Variants in ICMT observed in about 807,000 individuals in gnomAD.
ICMT encodes isoprenylcysteine carboxyl methyltransferase.
ICMT carries 10 observed loss-of-function variants against 32.2 expected under a neutral mutation model. The ratio of observed to expected loss-of-function variants is 0.31; its 90% CI spans 0.19 to 0.53. ICMT has a LOEUF of 0.53. Ranked by LOEUF, ICMT falls within the 20% of genes least tolerant of loss-of-function variation. The pLI is 0.96. For synonymous variants in ICMT, 183 were observed against 158.2 expected, an observed-to-expected ratio of 1.16 and a Z score of -1.18; for missense variants, 265 against 356.9, an observed-to-expected ratio of 0.74 and a Z score of 2.07.
intron 2 of ICMT, among the ~76,000 whole-genome samples, chr1:6,233,924 C>A (rs1557603569): frequency 6.6e-6 from 1 of 152,208 alleles, no homozygotes; most frequent in Non-Finnish European, 1.5e-5. Context: ...TCTCAGCTCA[C>A]TGCAACCTCC....
chr1:6,234,301 G>A, intron 2 of ICMT: 1 of 367,382 alleles, frequency 2.7e-6, no homozygotes, highest in South Asian at 2.1e-5. Flanking sequence ...ACAACATAAA[G>A]GAGTGATGTA....
chr1:6,235,516 G>A (rs1668808920), intron 1 of ICMT, among the ~76,000 whole-genome samples: 1 of 152,148 alleles, frequency 6.6e-6, no homozygotes, highest in Admixed American at 6.5e-5. Context: ...AGCTGCACAA[G>A]CTGCAATTTA....
chr1:6,221,988 C>T lies in ICMT; in HGVS notation c.*3092G>A, dbSNP rs1028719825. 6.6e-6 allele frequency: 1 copy of T among 152,248 alleles called. No individual in the cohort carries two copies. The highest frequency in any genetic ancestry group is 1.5e-5 in the Non-Finnish European group (1 of 68,038). 9.4% of individuals were successfully genotyped at this position (152,248 alleles called of 1,614,324 possible). ...GAGAAAATTGGTGATGTGGCCTTGG[C>T]AGCAAATACCCAGAAAGCCTTTACC... On this transcript the variant is annotated 3_prime_UTR_variant, in exon 5 of 5. Transcript: ENST00000343813.
rs1484041138 is a variant in ICMT at position 6,223,822 on chromosome 1, C to T, written c.*1258G>A. 1 of 152,220 alleles carries T rather than the reference C, an allele frequency of 6.6e-6. No homozygotes were observed. The highest frequency in any genetic ancestry group is 2.4e-5 in the African/African-American group (1 of 41,444). 9.4% of individuals were successfully genotyped at this position (152,220 alleles called of 1,614,324 possible). ...CGCCGACGCCGCCTTCACATTCACA[C>T]TTCTTCAGTGCCACCGCAACACTGC... On this transcript the variant is annotated 3_prime_UTR_variant, in exon 5 of 5. Coordinates refer to ENST00000343813, the MANE Select transcript of ICMT (RefSeq NM_012405.4).
intron 2 of ICMT, 75 bp downstream of exon 2, chr1:6,234,811 T>G: frequency 9.1e-7 from 1 of 1,094,550 alleles, no homozygotes; most frequent in Non-Finnish European, 1.4e-6. Context: ...GAGACAGGGA[T>G]GAGGAAATGC....
chr1:6,234,866 A>G lies in ICMT; in HGVS notation c.284+20T>C. 6.3e-7 allele frequency: 1 copy of G among 1,578,122 alleles called. No individual in the cohort carries two copies. Among genetic ancestry groups the G allele is most frequent in the South Asian group, 1.1e-5 (1 of 90,338 alleles). ...TGTCCACCCTCGCCTGAAAACCAGT[A>G]TTTCCGAAGGAATTCTTACCAGCCA... On this transcript the variant is annotated intron_variant, in intron 2 of 4. Coordinates refer to ENST00000343813, the MANE Select transcript of ICMT (RefSeq NM_012405.4).
In ICMT at chr1:6,225,211, G is replaced by A. The variant is rs1426915192; in HGVS notation, c.724C>T (p.Arg242Ter). 1.2e-6 allele frequency: 2 copies of A among 1,613,996 alleles called. No homozygotes were observed. Among genetic ancestry groups the A allele is most frequent in the East Asian group, 2.2e-5 (1 of 44,870 alleles). ...CGVSYALTVW[R>*]FFRDRTEEEE... ...TCTTCTGTTCGATCGCGGAAGAATC[G>A]CCACACTGTCAGGGCATAGCTGACG... The change falls in exon 5 of 5, where the codon CGA (arginine) becomes TGA (stop). Residue 242 changes from arginine (R) to a stop codon, truncating the protein, a stop_gained. Transcript: ENST00000343813. LOFTEE classifies it high-confidence loss of function.
chr1:6,235,887 G>C lies in ICMT; in HGVS notation c.25C>G (p.Pro9Ala). The change falls in exon 1 of 5, where the codon CCG becomes GCG. Residue 9 changes from proline to alanine, a missense_variant. By Grantham distance (27) the Pro-to-Ala change is conservative. Coordinates refer to ENST00000343813, the MANE Select transcript of ICMT (RefSeq NM_012405.4). Reference sequence around the variant, plus strand: ...CTGAGACGCGCCTCAGAGCCCGGCGGAGCCCGCGCCGCGCAGCCCGCCATG... The same window carrying C: ...CTGAGACGCGCCTCAGAGCCCGGCGCAGCCCGCGCCGCGCAGCCCGCCATG... MAGCAARA[P>A]PGSEARLSLA... The C allele has an allele frequency of 2.6e-6, 3 of 1,137,346 alleles. No individual in the cohort carries two copies. Among genetic ancestry groups the C allele is most frequent in the Non-Finnish European group, 3.2e-6 (3 of 929,204 alleles). The allele number at this position is 1,137,346 out of a possible 1,614,324, so 70.5% of individuals were successfully genotyped here.
In ICMT at chr1:6,222,814, G is replaced by A. The variant is rs1248632160; in HGVS notation, c.*2266C>T. 1 of 152,284 alleles carries A rather than the reference G, an allele frequency of 6.6e-6. No individual in the cohort carries two copies. Among genetic ancestry groups the A allele is most frequent in the Non-Finnish European group, 1.5e-5 (1 of 68,070 alleles). The allele number at this position is 152,284 out of a possible 1,614,324, so 9.4% of individuals were successfully genotyped here. A position where few individuals can be genotyped will look rare whatever the true frequency, so the allele number is the denominator to read the frequency against. Reference sequence around the variant, plus strand: ...GGAGGCTGGGCCCGCCCTACTTAGAGCAGGGGAAAGAACTTTTCCCTCAAA... The same window carrying A: ...GGAGGCTGGGCCCGCCCTACTTAGAACAGGGGAAAGAACTTTTCCCTCAAA... On this transcript the variant is annotated 3_prime_UTR_variant, in exon 5 of 5. Transcript: ENST00000343813.
rs985666869 is a variant in ICMT, at chr1:6,235,891, C to A, written c.21G>T (p.Arg7=). Residue 7 remains arginine, a synonymous_variant, in exon 1 of 5, where the codon CGG becomes CGT. Coordinates refer to ENST00000343813, the MANE Select transcript of ICMT (RefSeq NM_012405.4). ...GACGCGCCTCAGAGCCCGGCGGAGC[C>A]CGCGCCGCGCAGCCCGCCATGGCGC... The part of the protein sequence containing the change: MAGCAA[R]APPGSEARLS... 3 of 1,132,242 alleles carry A rather than the reference C, an allele frequency of 2.6e-6. No individual in the cohort carries two copies. Among genetic ancestry groups the A allele is most frequent in the African/African-American group, 1.7e-5 (1 of 59,766 alleles). The allele number at this position is 1,132,242 out of a possible 1,614,324, so 70.1% of individuals were successfully genotyped here.
rs1216661103 is a variant in ICMT at position 6,222,176 on chromosome 1, T to G, written c.*2904A>C. The G allele has an allele frequency of 6.6e-6, 1 of 152,228 alleles. No homozygotes were observed. The highest frequency in any genetic ancestry group is 1.5e-5 in the Non-Finnish European group (1 of 68,080). 9.4% of individuals were successfully genotyped at this position (152,228 alleles called of 1,614,324 possible). On this transcript the variant is annotated 3_prime_UTR_variant, in exon 5 of 5. Coordinates refer to ENST00000343813, the MANE Select transcript of ICMT (RefSeq NM_012405.4). ...TGGCTCACGCCTGTAATCCCAGCAC[T>G]TTGGGAGGCCGAGGCGCGTGGATCA...
chr1:6,225,682 C>T (rs1369841511), intron 4 of ICMT, among the ~76,000 whole-genome samples: 4 of 152,152 alleles, frequency 2.6e-5, no homozygotes, highest in African/African-American at 9.7e-5. Context: ...TCTGCTTCAG[C>T]ACGAGATACA....
chr1:6,225,268 A>G lies in ICMT; in HGVS notation c.673-6T>C. 1 of 1,611,492 alleles carries G rather than the reference A, an allele frequency of 6.2e-7. No homozygotes were observed. The highest frequency in any genetic ancestry group is 8.5e-7 in the Non-Finnish European group (1 of 1,179,034). On this transcript the variant is annotated splice_region_variant and splice_polypyrimidine_tract_variant and intron_variant, in intron 4 of 4. Transcript: ENST00000343813. ...ATGGGGTTACACAGCATCACCTAAC[A>G]GAGGGAGACACCAGGCTCATCAGGG...
At position 6,221,793 on chromosome 1, in the gene ICMT, C is replaced by T. The variant is rs772745765; in HGVS notation, c.*3287G>A. ...CTGTCCTGCTAAGAGGCTCACCCCGCGACCTCTTCTGTAAACTGCCACTCA... is the reference window on the plus strand; with the variant it reads ...CTGTCCTGCTAAGAGGCTCACCCCGTGACCTCTTCTGTAAACTGCCACTCA... On this transcript the variant is annotated 3_prime_UTR_variant, in exon 5 of 5. Coordinates refer to ENST00000343813, the MANE Select transcript of ICMT (RefSeq NM_012405.4). The T allele has an allele frequency of 4.6e-5, 7 of 152,198 alleles. No individual in the cohort carries two copies. Among genetic ancestry groups the T allele is most frequent in the African/African-American group, 1.2e-4 (5 of 41,444 alleles). The allele number at this position is 152,198 out of a possible 1,614,324, so 9.4% of individuals were successfully genotyped here. A position where few individuals can be genotyped will look rare whatever the true frequency, so the allele number is the denominator to read the frequency against.
In ICMT at chr1:6,225,278, A is replaced by C. The variant is rs1557600528; in HGVS notation, c.673-16T>G. ...ACAGCATCACCTAACAGAGGGAGAC[A>C]CCAGGCTCATCAGGGTGACCGTGGG... On this transcript the variant is annotated splice_polypyrimidine_tract_variant and intron_variant, in intron 4 of 4. Transcript: ENST00000343813. The C allele has an allele frequency of 6.2e-7, 1 of 1,609,724 alleles. No homozygotes were observed. The highest frequency in any genetic ancestry group is 8.5e-7 in the Non-Finnish European group (1 of 1,178,156).
intron 1 of ICMT, 102 bp from the exon 2 acceptor site, chr1:6,235,076 A>G (rs1668799418): frequency 1.1e-6 from 1 of 883,256 alleles, no homozygotes; most frequent in Admixed American, 2.0e-5. Flanking sequence ...AAGCAGATAG[A>G]GCCGATTTGC....
At chr1:6,226,652 G>A (rs765965883) in intron 4 of ICMT, among the ~76,000 whole-genome samples, 3 of 152,102 alleles carry the variant, frequency 2.0e-5, no homozygotes, top group East Asian at 1.9e-4. Flanking sequence ...TGTTCCCAGC[G>A]CCATGCTAAG....
At chr1:6,235,607 G>A (rs1419694996) in intron 1 of ICMT, 110 bp downstream of exon 1, 1 of 703,278 alleles carries the variant, frequency 1.4e-6, no homozygotes, top group Non-Finnish European at 1.8e-6. Context: ...CGGATGAAGA[G>A]CGCGCGCGTG....
chr1:6,228,741 T>C (rs537224338), intron 4 of ICMT, among the ~76,000 whole-genome samples: 7 of 151,436 alleles, frequency 4.6e-5, no homozygotes, highest in Middle Eastern at 3.4e-3. Flanking sequence ...AAAAGAAATA[T>C]GCGGGTTGGA....
Sources: allele counts gnomAD v4.1 joint callset (sites outside exome capture counted in the v4.1 genomes callset), GRCh38; gene constraint gnomAD v4.1.1; transcripts MANE v1.5; gene names NCBI Gene and HGNC (gene_info 2026-07-23, HGNC 2026-07-21).